TTI1: variants seen among roughly 807,000 people sequenced by gnomAD.
TTI1 encodes TELO2-interacting protein 1 homolog.
In TTI1, 52 loss-of-function variants were observed where a neutral mutation model predicts 85.4. The ratio of observed to expected loss-of-function variants is 0.61; its 90% confidence interval spans 0.49 to 0.77. TTI1 has a LOEUF of 0.77. Among genes scored for constraint, TTI1 ranks in the 30% least tolerant of loss-of-function variants. The probability of loss-of-function intolerance (pLI) is 0.00; values close to 1 mark genes in which losing one functional copy is unlikely to be tolerated. For synonymous variants in TTI1, 512 were observed against 503.9 expected (o/e 1.02, Z -0.22); for missense variants, 1,173 against 1,296.0 (o/e 0.91, Z 1.46).
chr20:38,001,716 TTCTCTC>T (rs1031268261), intron 4 of TTI1, among the ~76,000 whole-genome samples: 1 of 152,010 alleles, frequency 6.6e-6, no homozygotes, highest in East Asian at 1.9e-4. Context: ...GCAGTTGTGT[TTCTCTC>T]TCTTTTTTTT....
At position 37,983,306 on chromosome 20, in the gene TTI1, G is replaced by T; in HGVS notation, c.*150C>A. On this transcript the variant is annotated 3_prime_UTR_variant, in exon 8 of 8. Coordinates refer to ENST00000373447, the MANE Select transcript of TTI1 (RefSeq NM_001303457.2). ...CTTTCCTTCAATCCATTTCTAAGCA[G>T]TTGTGTGATCGATCAATTTATAAAT... 1.4e-6 allele frequency: 1 copy of T among 721,060 alleles called. No individual in the cohort carries two copies. Among genetic ancestry groups the T allele is most frequent in the Non-Finnish European group, 2.2e-6 (1 of 451,990 alleles). The allele number at this position is 721,060 out of a possible 1,614,324, so 44.7% of individuals were successfully genotyped here.
chr20:37,983,651 T>C lies in TTI1; in HGVS notation c.3087-12A>G. 1 of 1,502,152 alleles carries C rather than the reference T, an allele frequency of 6.7e-7. No homozygotes were observed. Among genetic ancestry groups the C allele is most frequent in the Non-Finnish European group, 8.9e-7 (1 of 1,124,146 alleles). 93.1% of individuals were successfully genotyped at this position (1,502,152 alleles called of 1,614,324 possible). A position where few individuals can be genotyped will look rare whatever the true frequency, so the allele number is the denominator to read the frequency against. The stretch of plus-strand genomic sequence containing the variant: ...AGTGGAGGAAGACGCTGTGGAGAGA[T>C]GGAAAGGAGTGAGTAGAGGGTACAG... On this transcript the variant is annotated splice_polypyrimidine_tract_variant and intron_variant, in intron 7 of 7. Transcript: ENST00000373447.
rs756714792 is a variant in TTI1 at position 38,012,139 on chromosome 20, T to C, written c.1678A>G (p.Ile560Val). The change falls in exon 2 of 8, where the codon ATA becomes GTA. Residue 560 changes from isoleucine to valine, a missense_variant. Coordinates refer to ENST00000373447, the MANE Select transcript of TTI1 (RefSeq NM_001303457.2). The stretch of plus-strand genomic sequence containing the variant: ...TCTTGACTTGTGTATTCTTCAAGTA[T>C]AGATGTCACAATCTCTCTCAGTTCT... ...PEELREIVTS[I>V]LEEYTSQENW... 2 of 1,614,206 alleles carry C rather than the reference T, an allele frequency of 1.2e-6. No individual in the cohort carries two copies. The highest frequency in any genetic ancestry group is 3.3e-5 in the Admixed American group (2 of 60,032).
chr20:37,986,557 G>A (rs2073192862), intron 7 of TTI1, among the ~76,000 whole-genome samples: 1 of 152,216 alleles, frequency 6.6e-6, no homozygotes, highest in East Asian at 1.9e-4. Context: ...AGAATGGCAG[G>A]AATGCACGTT....
In TTI1 at chr20:37,983,368, GCCA is replaced by G. The variant is rs1025434541; in HGVS notation, c.*85_*87del. The stretch of plus-strand genomic sequence containing the variant: ...CTAATTCACCTTCTCTGCTGCCGCT[GCCA>G]CCGCCTATGGCCGGGGTGGGGTCAG... On this transcript the variant is annotated 3_prime_UTR_variant, in exon 8 of 8. Coordinates refer to ENST00000373447, the MANE Select transcript of TTI1 (RefSeq NM_001303457.2). 4.1e-5 allele frequency: 57 copies of G among 1,376,730 alleles called. No homozygotes were observed. The African/African-American group carries it at 7.6e-4, about 18-fold the overall frequency. 85.3% of individuals were successfully genotyped at this position (1,376,730 alleles called of 1,614,324 possible).
chr20:38,013,955 T>C, intron 1 of TTI1, 98 bp from the exon 2 acceptor site: 1 of 1,303,684 alleles, frequency 7.7e-7, no homozygotes, highest in Admixed American at 2.6e-5. Flanking sequence ...CTGGGGTCTA[T>C]GTGCCAGCCA....
At chr20:38,027,145 C>G (rs2073846756) in intron 1 of TTI1, among the ~76,000 whole-genome samples, 1 of 152,144 alleles carries the variant, frequency 6.6e-6, no homozygotes, top group Non-Finnish European at 1.5e-5. Context: ...ATATAGTCAT[C>G]TCTCGGTATT....
Position 37,996,416 on chromosome 20 carries a change from G to A in TTI1, c.3045C>T (p.Leu1015=), listed in dbSNP as rs1479218475. The change falls in exon 7 of 8, where the codon CTC becomes CTT. Residue 1015 remains leucine, a synonymous_variant. Coordinates refer to ENST00000373447, the MANE Select transcript of TTI1 (RefSeq NM_001303457.2). ...GTAATTTCACGGGCTGTTTGACACT[G>A]AGGTAAATCAAGCAGGCATCAGCCA... ...NKVADACLIY[L]SVKQPVKLQE... 1 of 1,614,088 alleles carries A rather than the reference G, an allele frequency of 6.2e-7. No homozygotes were observed. Among genetic ancestry groups the A allele is most frequent in the East Asian group, 2.2e-5 (1 of 44,884 alleles).
At chr20:37,987,537 G>T (rs576499824) in intron 7 of TTI1, 374 of 366,220 alleles carry the variant, frequency 1.0e-3, no homozygotes, top group Non-Finnish European at 1.7e-3. Flanking sequence ...TGGCTCCAGA[G>T]AGCACAGTTA....
At chr20:38,009,031 C>T (rs2073542152) in intron 2 of TTI1, among the ~76,000 whole-genome samples, 1 of 152,036 alleles carries the variant, frequency 6.6e-6, no homozygotes, top group South Asian at 2.1e-4. Flanking sequence ...TGACACTCCT[C>T]CTTCAGAGAT....
Position 38,012,235 on chromosome 20 carries a change from C to A in TTI1, c.1582G>T (p.Glu528Ter). Residue 528 changes from glutamate to a stop codon, truncating the protein, a stop_gained, in exon 2 of 8, where the codon GAA becomes TAA. Coordinates refer to ENST00000373447, the MANE Select transcript of TTI1 (RefSeq NM_001303457.2). LOFTEE classifies it high-confidence loss of function. ...AGCCCAGCAGCCCCTGTAACCAGTTCATTAAGGATCATGGCAGCTTGCTTC... is the reference window on the plus strand; with the variant it reads ...AGCCCAGCAGCCCCTGTAACCAGTTAATTAAGGATCATGGCAGCTTGCTTC... ...YRKQAAMILN[E>*]LVTGAAGLEV... 6.2e-7 allele frequency: 1 copy of A among 1,614,226 alleles called. No homozygotes were observed. The highest frequency in any genetic ancestry group is 1.3e-5 in the African/African-American group (1 of 75,056).
At chr20:38,020,836 G>A (rs2073760613) in intron 1 of TTI1, among the ~76,000 whole-genome samples, 1 of 152,056 alleles carries the variant, frequency 6.6e-6, no homozygotes, top group Non-Finnish European at 1.5e-5. Flanking sequence ...ATTTAAAAAA[G>A]GGAAAATACT....
chr20:38,020,319 AAAAAAT>A (rs1314403846), intron 1 of TTI1, among the ~76,000 whole-genome samples: 6 of 44,166 alleles, frequency 1.4e-4, no homozygotes, highest in East Asian at 5.3e-4. Flanking sequence ...TGAAAAAAAA[AAAAAAT>A]ATATATATAT....
At chr20:38,018,074 A>G (rs1187021852) in intron 1 of TTI1, among the ~76,000 whole-genome samples, 1 of 152,258 alleles carries the variant, frequency 6.6e-6, no homozygotes, top group Admixed American at 6.5e-5. Flanking sequence ...TTGGTATATA[A>G]TAAGTTTTTT....
At chr20:38,033,197 G>GAAGAACCAAAACT (rs1435921001) in intron 1 of TTI1, among the ~76,000 whole-genome samples, 2 of 152,180 alleles carry the variant, frequency 1.3e-5, no homozygotes, top group Non-Finnish European at 2.9e-5. Flanking sequence ...GGGTGGCTTG[G>GAAGAACCAAAACT]AAGAACCAAA....
At chr20:38,022,309 C>T (rs901397122) in intron 1 of TTI1, among the ~76,000 whole-genome samples, 1 of 152,178 alleles carries the variant, frequency 6.6e-6, no homozygotes, top group Non-Finnish European at 1.5e-5. Flanking sequence ...AACACTGCTA[C>T]CCATGCTTAC....
intron 1 of TTI1, among the ~76,000 whole-genome samples, chr20:38,020,323 A>AAAAAATATATATATATAT: frequency 7.3e-4 from 37 of 50,362 alleles, no homozygotes; most frequent in Non-Finnish European, 1.0e-3. Context: ...AAAAAAAAAA[A>AAAAAATATATATATATAT]ATATATATAT....
intron 1 of TTI1, among the ~76,000 whole-genome samples, chr20:38,028,786 G>A (rs1269619435): frequency 6.6e-6 from 1 of 152,132 alleles, no homozygotes. Context: ...ATGGCTCACT[G>A]CAGCCTCAAT....
At chr20:37,990,926 T>G (rs989401145) in intron 7 of TTI1, among the ~76,000 whole-genome samples, 9 of 152,188 alleles carry the variant, frequency 5.9e-5, no homozygotes, top group Admixed American at 6.5e-5. Context: ...GGGACAGAAT[T>G]GGCAGCACTG....
Sources: allele counts gnomAD v4.1 joint callset (sites outside exome capture counted in the v4.1 genomes callset), GRCh38; gene constraint gnomAD v4.1.1; transcripts MANE v1.5; gene names NCBI Gene and HGNC (gene_info 2026-07-23, HGNC 2026-07-21).